Variants in STRN3 observed in about 807,000 individuals in gnomAD.
The protein encoded by STRN3 is striatin 3, also known as striatin-3.
In STRN3, 29 loss-of-function variants were observed where a neutral mutation model predicts 95.6. That is an observed-to-expected ratio of 0.30 (90% CI 0.23 to 0.41). The LOEUF (loss-of-function observed/expected upper bound fraction) is 0.41. Ranked by LOEUF, STRN3 falls within the 10% of genes least tolerant of loss-of-function variation. The pLI is 1.00. For missense variants in STRN3, 890 were observed against 972.1 expected (o/e 0.92, Z 1.12); for synonymous variants, 331 against 357.6 (o/e 0.93, Z 0.84).
At chr14:31,013,889 T>TATTATTATTGAGACAGAGTGTC (rs1555327142) in intron 1 of STRN3, among the ~76,000 whole-genome samples, 1 of 141,972 alleles carries the variant, frequency 7.0e-6, no homozygotes, top group Non-Finnish European at 1.5e-5. Flanking sequence ...TTATTATTAT[T>TATTATTATTGAGACAGAGTGTC]ATTATTATTA....
intron 1 of STRN3, among the ~76,000 whole-genome samples, chr14:30,996,274 G>A (rs1882194612): frequency 6.6e-6 from 1 of 152,136 alleles, no homozygotes; most frequent in African/African-American, 2.4e-5. Flanking sequence ...AGCTGACAAT[G>A]AGAACCCCAT....
In STRN3 at chr14:30,936,535, A is replaced by T; in HGVS notation, c.806T>A (p.Ile269Asn). The change falls in exon 6 of 18, where the codon ATC (isoleucine) becomes AAC (asparagine). Residue 269 changes from isoleucine (I) to asparagine (N), a missense_variant. Transcript: ENST00000357479. The part of the protein sequence containing the change: ...EDEENDMIEG[I>N]PEGKDKHRMN... Reference sequence around the variant, plus strand: ...CCGATGTTTGTCTTTTCCTTCTGGGATGCCTTCGATCATGTCATTTTCCTC... The same window carrying T: ...CCGATGTTTGTCTTTTCCTTCTGGGTTGCCTTCGATCATGTCATTTTCCTC... 1.2e-6 allele frequency: 2 copies of T among 1,613,624 alleles called. No individual in the cohort carries two copies. The highest frequency in any genetic ancestry group is 1.7e-6 in the Non-Finnish European group (2 of 1,179,808).
At chr14:30,929,133 C>A in intron 8 of STRN3, 68 bp downstream of exon 8, 5 of 1,322,272 alleles carry the variant, frequency 3.8e-6, no homozygotes, top group East Asian at 5.0e-5. Flanking sequence ...CACAAAGAAA[C>A]AGAATTGAAG....
chr14:30,906,743 T>G, intron 14 of STRN3, 134 bp downstream of exon 14: 1 of 1,004,306 alleles, frequency 1.0e-6, no homozygotes, highest in Non-Finnish European at 1.4e-6. Context: ...AGTAAAAAGT[T>G]TATCCTAACT....
At chr14:31,022,214 C>T (rs965952248) in intron 1 of STRN3, among the ~76,000 whole-genome samples, 1 of 151,944 alleles carries the variant, frequency 6.6e-6, no homozygotes. Context: ...CCCATTTCTA[C>T]TAAAAATACA....
chr14:30,968,664 G>A (rs1440927119), intron 1 of STRN3, among the ~76,000 whole-genome samples: 5 of 133,988 alleles, frequency 3.7e-5, no homozygotes, highest in Non-Finnish European at 7.9e-5. Flanking sequence ...GGGCGACAGA[G>A]GGAGACTCCA....
chr14:31,004,374 G>A (rs1431327084), intron 1 of STRN3, among the ~76,000 whole-genome samples: 2 of 152,118 alleles, frequency 1.3e-5, no homozygotes, highest in Admixed American at 1.3e-4. Context: ...AGCTAAAGTA[G>A]GAATCACTTA....
rs1879902430 is a variant in STRN3 at position 30,956,331 on chromosome 14, G to C, written c.283-89C>G. 3.4e-6 allele frequency: 4 copies of C among 1,189,988 alleles called. No homozygotes were observed. In the Admixed American group the frequency reaches 7.9e-5, roughly 24 times the overall value. The allele number at this position is 1,189,988 out of a possible 1,614,324, so 73.7% of individuals were successfully genotyped here. ...TGGAAAACGATAAACACAAACTGTT[G>C]CACTTGACTCATGATATCAAGATTT... is the stretch of plus-strand genomic sequence containing the variant. On this transcript the variant is annotated intron_variant, in intron 1 of 17. Coordinates refer to ENST00000357479, the MANE Select transcript of STRN3 (RefSeq NM_001083893.2).
intron 1 of STRN3, among the ~76,000 whole-genome samples, chr14:30,963,233 A>G (rs1880301134): frequency 6.6e-6 from 1 of 152,176 alleles, no homozygotes. Flanking sequence ...TAAATAATGG[A>G]TAGAACCACC....
At chr14:30,991,051 G>C (rs1881928233) in intron 1 of STRN3, among the ~76,000 whole-genome samples, 1 of 152,178 alleles carries the variant, frequency 6.6e-6, no homozygotes, top group Non-Finnish European at 1.5e-5. Flanking sequence ...ACTAATATGA[G>C]AAAGAGAAGA....
chr14:30,951,891 G>A (rs1306370722), intron 3 of STRN3, among the ~76,000 whole-genome samples: 2 of 152,108 alleles, frequency 1.3e-5, no homozygotes, highest in African/African-American at 2.4e-5. Context: ...GCTGAGGTGG[G>A]CAGATCACTT....
chr14:30,898,741 A>G (rs1896225912), intron 16 of STRN3, among the ~76,000 whole-genome samples: 1 of 152,190 alleles, frequency 6.6e-6, no homozygotes, highest in African/African-American at 2.4e-5. Flanking sequence ...ATACTCTACC[A>G]AAACTAATCC....
intron 16 of STRN3, among the ~76,000 whole-genome samples, chr14:30,900,120 GGCC>G (rs1390813474): frequency 6.6e-6 from 1 of 152,156 alleles, no homozygotes; most frequent in Non-Finnish European, 1.5e-5. Context: ...CACTTTGGGA[GGCC>G]AAGGTGGGCG....
At chr14:30,937,347 C>T (rs1300212455) in intron 5 of STRN3, among the ~76,000 whole-genome samples, 1 of 151,990 alleles carries the variant, frequency 6.6e-6, no homozygotes, top group African/African-American at 2.4e-5. Flanking sequence ...AATAATTTAT[C>T]AAGCAGCCCA....
intron 1 of STRN3, among the ~76,000 whole-genome samples, chr14:30,986,254 A>G (rs955331914): frequency 4.1e-5 from 6 of 146,944 alleles, no homozygotes; most frequent in Non-Finnish European, 7.7e-5. Context: ...AGCGAAAAAG[A>G]AAAAAACACT....
intron 1 of STRN3, among the ~76,000 whole-genome samples, chr14:31,008,599 G>GT (rs1190120770): frequency 3.3e-5 from 5 of 152,160 alleles, no homozygotes; most frequent in Non-Finnish European, 5.9e-5. Flanking sequence ...AGAAATAGTG[G>GT]TAAGTCTATT....
chr14:30,975,462 A>G (rs1214093878), intron 1 of STRN3, among the ~76,000 whole-genome samples: 14 of 151,750 alleles, frequency 9.2e-5, no homozygotes, highest in Admixed American at 9.2e-4. Context: ...TACACTGCTC[A>G]GATGACAGGT....
At chr14:31,000,960 A>C (rs1882422196) in intron 1 of STRN3, among the ~76,000 whole-genome samples, 1 of 152,200 alleles carries the variant, frequency 6.6e-6, no homozygotes, top group Non-Finnish European at 1.5e-5. Flanking sequence ...ACTTGGTAAC[A>C]ATAAAGAACT....
Position 30,947,262 on chromosome 14 carries a change from A to G in STRN3, c.544T>C (p.Tyr182His). The change falls in exon 5 of 18, where the codon TAT (tyrosine) becomes CAT (histidine). Residue 182 changes from tyrosine (Y) to histidine (H), a missense_variant and splice_region_variant. By Grantham distance (83) the Tyr-to-His change is moderately conservative. Coordinates refer to ENST00000357479, the MANE Select transcript of STRN3 (RefSeq NM_001083893.2). ...TCTGTATAACCTACTTCCTGAAGAT[A>G]CCTGTAAGAGAAAATAAATATTAAA... ...WKQGRQLLRQYLQEVGYTDTI... is the reference protein window; with the variant it reads ...WKQGRQLLRQHLQEVGYTDTI... The G allele has an allele frequency of 6.3e-7, 1 of 1,578,504 alleles. No individual in the cohort carries two copies.
Sources: allele counts gnomAD v4.1 joint callset (sites outside exome capture counted in the v4.1 genomes callset), GRCh38; gene constraint gnomAD v4.1.1; transcripts MANE v1.5; gene names NCBI Gene and HGNC (gene_info 2026-07-23, HGNC 2026-07-21).